TMEM67: variants seen among roughly 807,000 people sequenced by gnomAD.
TMEM67 encodes the protein meckelin.
A neutral mutation model predicts 136.6 loss-of-function variants in TMEM67; 124 were observed. That is an observed-to-expected ratio of 0.91 (90% confidence interval 0.78 to 1.05). The LOEUF (loss-of-function observed/expected upper bound fraction) is 1.05, where lower values mean the gene tolerates loss of function less well. Among genes scored for constraint, TMEM67 ranks in the 50% least tolerant of loss-of-function variants. The pLI is 0.00. For missense variants in TMEM67, 1,107 were observed against 1,178.4 expected (o/e 0.94, Z 0.89); for synonymous variants, 364 against 390.5 (o/e 0.93, Z 0.80).
intron 26 of TMEM67, among the ~76,000 whole-genome samples, chr8:93,814,390 C>T (rs1476352563): frequency 2.7e-5 from 4 of 149,840 alleles, no homozygotes; most frequent in Admixed American, 6.7e-5. Context: ...CTGCCCGCCT[C>T]GGCCTCCCAA....
At position 93,795,527 on chromosome 8, in the gene TMEM67, T is replaced by A; in HGVS notation, c.1773+20T>A. On this transcript the variant is annotated intron_variant, in intron 17 of 27. Transcript: ENST00000453321. ...TTCAAAGTGAGTGAGTTTCTGAATT[T>A]TCCCCAACTGCCAATATCTGAATAG... The A allele has an allele frequency of 6.4e-7, 1 of 1,565,870 alleles. No homozygotes were observed. Among genetic ancestry groups the A allele is most frequent in the Non-Finnish European group, 8.8e-7 (1 of 1,136,242 alleles).
At chr8:93,808,503 GATGAATAT>G (rs1808543567) in intron 23 of TMEM67, among the ~76,000 whole-genome samples, 2 of 138,906 alleles carry the variant, frequency 1.4e-5, no homozygotes, top group Admixed American at 7.3e-5. Context: ...ATCTATTATA[GATGAATAT>G]ATATATTTAT....
intron 6 of TMEM67, among the ~76,000 whole-genome samples, chr8:93,770,783 G>A (rs182490652): frequency 4.7e-4 from 71 of 152,208 alleles, no homozygotes; most frequent in Non-Finnish European, 8.7e-4. Flanking sequence ...GGGAGGCTGA[G>A]GCATGTAGAT....
chr8:93,797,130 T>C lies in TMEM67; in HGVS notation c.1861-4T>C, dbSNP rs754613929. On this transcript the variant is annotated splice_region_variant and splice_polypyrimidine_tract_variant and intron_variant, in intron 18 of 27. Coordinates refer to ENST00000453321, the MANE Select transcript of TMEM67 (RefSeq NM_153704.6). ...TCAGGTGTTTTATTATATGTCATTC[T>C]CAGGCACTACAATTTTTGCATAAGC... is the stretch of plus-strand genomic sequence containing the variant. The C allele has an allele frequency of 6.3e-7, 1 of 1,575,836 alleles. No individual in the cohort carries two copies. Among genetic ancestry groups the C allele is most frequent in the Non-Finnish European group, 8.7e-7 (1 of 1,146,144 alleles).
rs1414696717 is a variant in TMEM67, at chr8:93,769,284, C to A, written c.652-3305C>A. Among the ~76,000 whole-genome samples the A allele has an allele frequency of 3.3e-5, 5 of 152,256 alleles. No individual in the cohort carries two copies. In the South Asian group the frequency reaches 1.0e-3, roughly 31 times the overall value. ...GTACCTGCTGCCTCAGAGGACCCCCCAGTCCTGCCGATGCCATGAGGCAGA... is the reference window on the plus strand; with the variant it reads ...GTACCTGCTGCCTCAGAGGACCCCCAAGTCCTGCCGATGCCATGAGGCAGA... On this transcript the variant is annotated intron_variant, in intron 6 of 27. Coordinates refer to ENST00000453321, the MANE Select transcript of TMEM67 (RefSeq NM_153704.6).
chr8:93,816,307 T>A, intron 27 of TMEM67, 65 bp from the exon 28 acceptor site: 1 of 757,304 alleles, frequency 1.3e-6, no homozygotes, highest in Non-Finnish European at 2.2e-6. Flanking sequence ...CTAGATATTT[T>A]AATCGACGTG....
chr8:93,820,680 T>C (rs1173136476), downstream of TMEM67, among the ~76,000 whole-genome samples: 3 of 152,222 alleles, frequency 2.0e-5, no homozygotes, highest in African/African-American at 7.2e-5. Context: ...AAATGAGTTA[T>C]TGTGTACAGT....
rs1491334730 is a variant in TMEM67, at chr8:93,808,377, A to AT, written c.2440-463_2440-462insT. Among the ~76,000 whole-genome samples the AT allele has an allele frequency of 1.7e-3, 194 of 112,310 alleles. 1 individual carries two copies. Among genetic ancestry groups the AT allele is most frequent in the African/African-American group, 5.6e-3 (183 of 32,490 alleles). 73.7% of individuals were successfully genotyped at this position (112,310 alleles called of 152,430 possible). A position where few individuals can be genotyped will look rare whatever the true frequency, so the allele number is the denominator to read the frequency against. On this transcript the variant is annotated intron_variant, in intron 23 of 27. Coordinates refer to ENST00000453321, the MANE Select transcript of TMEM67 (RefSeq NM_153704.6). ...TTATAGATATATATTTATCTACTAT[A>AT]AATATTTATATATTATATATAAATA...
In TMEM67 at chr8:93,808,848, G is replaced by A. The variant is rs886038738; in HGVS notation, c.2448G>A (p.Leu816=). The A allele has an allele frequency of 2.8e-5, 45 of 1,604,986 alleles. No homozygotes were observed. Among genetic ancestry groups the A allele is most frequent in the East Asian group, 6.7e-5 (3 of 44,718 alleles). Residue 816 remains leucine, a synonymous_variant, in exon 24 of 28, where the codon TTG becomes TTA. Transcript: ENST00000453321. ...ATTCTTTAACTTTTCAGGAAAATTT[G>A]TGTAGCCAGAGAGGTTTGGTACCCA... ...NMNLKREAEN[L]CSQRGLVPNT...
chr8:93,810,455 A>T (rs1808659108), intron 26 of TMEM67, among the ~76,000 whole-genome samples: 1 of 151,880 alleles, frequency 6.6e-6, no homozygotes, highest in African/African-American at 2.4e-5. Context: ...TGGCAGGCAC[A>T]TATAGTCCCA....
At chr8:93,775,744 TG>T (rs1464094869) in intron 7 of TMEM67, among the ~76,000 whole-genome samples, 1 of 152,224 alleles carries the variant, frequency 6.6e-6, no homozygotes, top group Non-Finnish European at 1.5e-5. Flanking sequence ...CATGCTGTTT[TG>T]GTTACTGTAG....
chr8:93,804,618 A>G (rs1815044019), intron 22 of TMEM67, 144 bp from the exon 23 acceptor site: 2 of 536,842 alleles, frequency 3.7e-6, no homozygotes, highest in Non-Finnish European at 6.6e-6. Flanking sequence ...ATTATCCTTC[A>G]TTACTTTATT....
chr8:93,804,297 TCTCTTTTCTTTTC>T, intron 22 of TMEM67, among the ~76,000 whole-genome samples: 1 of 111,392 alleles, frequency 9.0e-6, no homozygotes, highest in African/African-American at 3.1e-5. Context: ...TCTTTTCTTT[TCTCTTTTCTTTTC>T]TTTTTTTTTT....
chr8:93,804,395 A>C (rs1379455382), intron 22 of TMEM67, among the ~76,000 whole-genome samples: 2 of 137,300 alleles, frequency 1.5e-5, no homozygotes, highest in Admixed American at 8.1e-5. Flanking sequence ...GCTTACTGCA[A>C]CCTTGACCTC....
intron 13 of TMEM67, among the ~76,000 whole-genome samples, chr8:93,786,581 C>T (rs1814117683): frequency 6.6e-6 from 1 of 152,150 alleles, no homozygotes; most frequent in Non-Finnish European, 1.5e-5. Flanking sequence ...CACTCTAGAC[C>T]TGCTGAATTA....
chr8:93,795,635 C>T (rs997240666), intron 17 of TMEM67, 128 bp downstream of exon 17: 1 of 807,926 alleles, frequency 1.2e-6, no homozygotes, highest in African/African-American at 1.7e-5. Context: ...CCCAACTCCC[C>T]ATTCCTTGAG....
At chr8:93,815,839 C>T (rs1808886406) in intron 27 of TMEM67, among the ~76,000 whole-genome samples, 1 of 152,266 alleles carries the variant, frequency 6.6e-6, no homozygotes, top group Admixed American at 6.5e-5. Flanking sequence ...AAGCTTGCAG[C>T]TTTGACACCT....
the TMEM67 span, among the ~76,000 whole-genome samples, chr8:93,831,947 G>C: frequency 3.9e-5 from 6 of 152,172 alleles, no homozygotes; most frequent in Non-Finnish European, 8.8e-5. Context: ...ATGGAGAGGG[G>C]CACTGCTTGG....
At chr8:93,804,230 GTTCA>G (rs1429500037) in intron 22 of TMEM67, among the ~76,000 whole-genome samples, 1 of 148,838 alleles carries the variant, frequency 6.7e-6, no homozygotes. Flanking sequence ...CTACCAAGTA[GTTCA>G]TTCATTCCAG....
Sources: gnomAD v4.1 joint callset for allele counts (sites outside exome capture counted in the v4.1 genomes callset) on GRCh38, gnomAD v4.1.1 for gene constraint, MANE v1.5 for transcripts, NCBI Gene and HGNC (gene_info 2026-07-23, HGNC 2026-07-21) for gene names.